Variants in CAMKMT observed in about 807,000 individuals in gnomAD.
CAMKMT encodes the protein CaM KMT.
CAMKMT carries 53 observed loss-of-function variants against 48.0 expected under a neutral mutation model. The observed-to-expected ratio is 1.10, with a 90% CI of 0.89 to 1.39. The LOEUF (loss-of-function observed/expected upper bound fraction) is 1.39. Ranked by LOEUF, CAMKMT falls within the 40% of genes most tolerant of loss-of-function variation. The pLI is 0.00. For synonymous variants in CAMKMT, 165 were observed against 152.3 expected, an observed-to-expected ratio of 1.08 and a Z score of -0.61; for missense variants, 428 against 402.7, an observed-to-expected ratio of 1.06 and a Z score of -0.54.
rs963977518 is a variant in CAMKMT, at chr2:44,419,642, C to A, written c.376+29337C>A. Reference sequence around the variant, plus strand: ...TCACCCAGCCTGGAGTGCAGTGGCACAGTCATCACCGTAACCCTGAACTTC... The same window carrying A: ...TCACCCAGCCTGGAGTGCAGTGGCAAAGTCATCACCGTAACCCTGAACTTC... On this transcript the variant is annotated intron_variant, in intron 3 of 10. Transcript: ENST00000378494. Among the ~76,000 whole-genome samples the A allele has an allele frequency of 4.4e-4, 67 of 152,210 alleles. 1 individual carries two copies. Among genetic ancestry groups the A allele is most frequent in the African/African-American group, 9.7e-5 (4 of 41,436 alleles).
intron 3 of CAMKMT, among the ~76,000 whole-genome samples, chr2:44,398,511 T>C (rs1682060086): frequency 6.6e-6 from 1 of 152,018 alleles, no homozygotes. Flanking sequence ...TTTAATAGTC[T>C]TAAACCAAAT....
At chr2:44,401,718 T>C (rs940319443) in intron 3 of CAMKMT, among the ~76,000 whole-genome samples, 11 of 152,196 alleles carry the variant, frequency 7.2e-5, no homozygotes, top group South Asian at 6.2e-4. Context: ...ATTTTATTTG[T>C]ACATTTTTAA....
chr2:44,523,058 A>AATGCC (rs1456152066), intron 3 of CAMKMT, among the ~76,000 whole-genome samples: 6 of 152,116 alleles, frequency 3.9e-5, no homozygotes, highest in African/African-American at 1.4e-4. Flanking sequence ...TTCCAAAACT[A>AATGCC]ATGCCATGTG....
At chr2:44,521,753 A>G (rs1417741345) in intron 3 of CAMKMT, among the ~76,000 whole-genome samples, 1 of 152,152 alleles carries the variant, frequency 6.6e-6, no homozygotes, top group East Asian at 1.9e-4. Flanking sequence ...TACTGGGCTG[A>G]CTGAGATGGG....
chr2:44,673,140 C>T (rs923646115), intron 3 of CAMKMT, among the ~76,000 whole-genome samples: 16 of 151,918 alleles, frequency 1.1e-4, no homozygotes, highest in Admixed American at 1.0e-3. Flanking sequence ...GTTTTAAAAA[C>T]ATAGGCTGGG....
chr2:44,701,947 C>T (rs1677281205), intron 3 of CAMKMT, among the ~76,000 whole-genome samples: 1 of 151,898 alleles, frequency 6.6e-6, no homozygotes, highest in Non-Finnish European at 1.5e-5. Context: ...TGATTATATC[C>T]TAGTGGTCAC....
In CAMKMT at chr2:44,632,345, ATTT is replaced by A. The variant is rs1672881180; in HGVS notation, c.377-71934_377-71932del. Among the ~76,000 whole-genome samples, 4 of 152,050 alleles carry A rather than the reference ATTT, an allele frequency of 2.6e-5. No homozygotes were observed. In the South Asian group the frequency reaches 8.3e-4, roughly 32 times the overall value. On this transcript the variant is annotated intron_variant, in intron 3 of 10. Transcript: ENST00000378494. ...GAACATAGAATACTGAGTTGATGTC[ATTT>A]TTTAAACACTTTTCTCTGGATAAAT... is the stretch of plus-strand genomic sequence containing the variant.
intron 3 of CAMKMT, among the ~76,000 whole-genome samples, chr2:44,466,666 G>C (rs983432035): frequency 1.3e-5 from 2 of 151,734 alleles, no homozygotes; most frequent in African/African-American, 4.8e-5. Context: ...ATAAAGATTT[G>C]AACAGAAATA....
chr2:44,616,490 T>G (rs548789928), intron 3 of CAMKMT, among the ~76,000 whole-genome samples: 2 of 152,268 alleles, frequency 1.3e-5, no homozygotes, highest in East Asian at 3.9e-4. Context: ...CTTAAAAGCT[T>G]TTTATTACAA....
intron 2 of CAMKMT, among the ~76,000 whole-genome samples, chr2:44,384,418 C>G (rs1680564320): frequency 6.7e-6 from 1 of 150,364 alleles, no homozygotes; most frequent in South Asian, 2.1e-4. Context: ...TTCTCCCACT[C>G]TCTGGGTTGT....
intron 6 of CAMKMT, among the ~76,000 whole-genome samples, chr2:44,714,465 C>A (rs565882293): frequency 1.3e-5 from 2 of 152,310 alleles, no homozygotes; most frequent in South Asian, 4.1e-4. Context: ...AAAGACAGTT[C>A]TTCAGGGGAC....
At chr2:44,616,112 C>A (rs1671873689) in intron 3 of CAMKMT, among the ~76,000 whole-genome samples, 1 of 152,160 alleles carries the variant, frequency 6.6e-6, no homozygotes, top group Non-Finnish European at 1.5e-5. Flanking sequence ...TCCTTGAAAT[C>A]TGACTGTCAC....
intron 3 of CAMKMT, chr2:44,549,793 A>G: frequency 2.3e-6 from 1 of 425,990 alleles, no homozygotes; most frequent in Non-Finnish European, 4.1e-6. Flanking sequence ...TACATCCTAG[A>G]ACAAAGACAT....
rs1375656129 is a variant in CAMKMT, at chr2:44,362,108, C to A, written c.101C>A (p.Ala34Glu). 1.4e-6 allele frequency: 2 copies of A among 1,467,194 alleles called. No individual in the cohort carries two copies. Among genetic ancestry groups the A allele is most frequent in the East Asian group, 2.9e-5 (1 of 34,400 alleles). The allele number at this position is 1,467,194 out of a possible 1,614,324, so 90.9% of individuals were successfully genotyped here. The part of the protein sequence containing the change: ...GCTTRGPVVS[A>E]PLGAARWKLL... ...ACCACTCGGGGGCCCGTAGTCTCGG[C>A]GCCCCTGGGAGCCGCCCGGTGGAAG... Residue 34 changes from alanine to glutamate, a missense_variant, in exon 1 of 11, where the codon GCG becomes GAG. Physicochemically the swap from Ala to Glu is moderately radical, Grantham distance 107 (BLOSUM62 -1). Coordinates refer to ENST00000378494, the MANE Select transcript of CAMKMT (RefSeq NM_024766.5).
At chr2:44,419,991 A>T (rs1418633944) in intron 3 of CAMKMT, among the ~76,000 whole-genome samples, 1 of 152,086 alleles carries the variant, frequency 6.6e-6, no homozygotes, top group Non-Finnish European at 1.5e-5. Flanking sequence ...TAGTATTTAG[A>T]GCTTTTTGCC....
chr2:44,546,154 G>GACACACACACACACACAC lies in CAMKMT; in HGVS notation c.376+155881_376+155898dup, dbSNP rs4039614. Among the ~76,000 whole-genome samples the GACACACACACACACACAC allele has an allele frequency of 7.6e-4, 98 of 129,152 alleles. 1 individual carries two copies. The highest frequency in any genetic ancestry group is 2.1e-3 in the African/African-American group (67 of 31,846). The allele number at this position is 129,152 out of a possible 152,430, so 84.7% of individuals were successfully genotyped here. On this transcript the variant is annotated intron_variant, in intron 3 of 10. Transcript: ENST00000378494. Reference sequence around the variant, plus strand: ...GGATCTGGCTATCTTAGACTGCTAGGACACACACACACACACACACACACA... The same window carrying GACACACACACACACACAC: ...GGATCTGGCTATCTTAGACTGCTAGGACACACACACACACACACACACACACACACACACACACACACA...
At chr2:44,487,363 T>C (rs1325803578) in intron 3 of CAMKMT, among the ~76,000 whole-genome samples, 1 of 152,204 alleles carries the variant, frequency 6.6e-6, no homozygotes, top group Non-Finnish European at 1.5e-5. Context: ...TAATGATTTC[T>C]CAAATGTTTT....
chr2:44,373,275 A>G (rs549094738), intron 2 of CAMKMT, among the ~76,000 whole-genome samples: 117 of 152,312 alleles, frequency 7.7e-4, no homozygotes, highest in African/African-American at 2.7e-3. Context: ...AAGCTTTGGT[A>G]TTTTTTCCAT....
intron 8 of CAMKMT, among the ~76,000 whole-genome samples, chr2:44,746,638 A>G (rs1679928751): frequency 1.3e-5 from 2 of 152,236 alleles, no homozygotes; most frequent in South Asian, 4.1e-4. Flanking sequence ...CTTTGAAATA[A>G]ACAGAAGGAA....
Sources: gnomAD v4.1 joint callset for allele counts (sites outside exome capture counted in the v4.1 genomes callset) on GRCh38, gnomAD v4.1.1 for gene constraint, MANE v1.5 for transcripts, NCBI Gene and HGNC (gene_info 2026-07-23, HGNC 2026-07-21) for gene names.